The following COL5A1 variants were observed in gnomAD, a reference collection of about 807,000 sequenced individuals.
COL5A1 encodes collagen alpha-1(V) chain.
Under a neutral mutation model 263.7 loss-of-function variants are expected in COL5A1, and 16 were observed. The observed-to-expected ratio is 0.06, with a 90% CI of 0.04 to 0.09. The LOEUF is 0.09. Ranked by LOEUF, COL5A1 falls within the 10% of genes least tolerant of loss-of-function variation. COL5A1 has a pLI of 1.00. For synonymous variants in COL5A1, 1,012 were observed against 1,004.5 expected, an observed-to-expected ratio of 1.01 and a Z score of -0.14; for missense variants, 2,036 against 2,540.5, an observed-to-expected ratio of 0.80 and a Z score of 4.27.
intron 52 of COL5A1, 46 bp downstream of exon 52, chr9:134,816,034 AT>A: frequency 6.3e-7 from 1 of 1,591,770 alleles, no homozygotes; most frequent in Non-Finnish European, 8.6e-7. Context: ...GTGTCAGTGT[AT>A]TCTTGGGACC....
intron 5 of COL5A1, 141 bp downstream of exon 5, chr9:134,727,538 T>C (rs539336173): frequency 3.3e-6 from 3 of 900,478 alleles, no homozygotes; most frequent in African/African-American, 1.6e-5. Context: ...AGGTAAACAT[T>C]GGGATATCTG....
intron 6 of COL5A1, among the ~76,000 whole-genome samples, chr9:134,729,450 T>C (rs1834787952): frequency 6.6e-6 from 1 of 151,558 alleles, no homozygotes; most frequent in South Asian, 2.1e-4. Context: ...TGTGTGTGCA[T>C]GAACGAGTGT....
At chr9:134,775,615 G>A (rs1048524547) in intron 27 of COL5A1, among the ~76,000 whole-genome samples, 2 of 152,170 alleles carry the variant, frequency 1.3e-5, no homozygotes, top group Admixed American at 6.5e-5. Flanking sequence ...GACACGGCAC[G>A]TTCTGTGTAG....
rs999175178 is a variant in COL5A1 at position 134,716,529 on chromosome 9, A to T, written c.655-10737A>T. Reference sequence around the variant, plus strand: ...AAGTGCAGGCCTTTGTGAGGTCACCACCCTTTGGGTGGCGAGTCTTTGAGG... The same window carrying T: ...AAGTGCAGGCCTTTGTGAGGTCACCTCCCTTTGGGTGGCGAGTCTTTGAGG... On this transcript the variant is annotated intron_variant, in intron 4 of 65. Transcript: ENST00000371817. The surrounding 1 kb of genome is among the most constrained non-coding windows in gnomAD (Gnocchi z 4.5). 5.3e-5 allele frequency among the ~76,000 whole-genome samples: 8 copies of T among 152,118 alleles called. No homozygotes were observed. The highest frequency in any genetic ancestry group is 1.9e-4 in the African/African-American group (8 of 41,494).
intron 1 of COL5A1, chr9:134,649,444 G>A (rs1482502743): frequency 2.2e-6 from 1 of 463,940 alleles, no homozygotes; most frequent in Non-Finnish European, 4.4e-6. Context: ...CCTATTTGCC[G>A]AGATGTCTCT....
chr9:134,728,521 A>G, intron 5 of COL5A1, 149 bp from the exon 6 acceptor site: 3 of 1,045,510 alleles, frequency 2.9e-6, no homozygotes, highest in Non-Finnish European at 4.4e-6. Context: ...AGAGGGAGGA[A>G]CCCCATCCGG....
At position 134,677,273 on chromosome 9, in the gene COL5A1, T is replaced by C. The variant is rs1358737255; in HGVS notation, c.110-13639T>C. ...TTATCCAGATCTCAGCTACCAGTCATGGCTTCTCGGGGAAGGCAGGCCCTG... is the reference window on the plus strand; with the variant it reads ...TTATCCAGATCTCAGCTACCAGTCACGGCTTCTCGGGGAAGGCAGGCCCTG... On this transcript the variant is annotated intron_variant, in intron 1 of 65. Transcript: ENST00000371817. This position sits in a 1 kb window ranked among gnomAD's most constrained non-coding sequence, Gnocchi z 4.4. 1.3e-5 allele frequency among the ~76,000 whole-genome samples: 2 copies of C among 152,184 alleles called. No homozygotes were observed. The highest frequency in any genetic ancestry group is 1.9e-4 in the East Asian group (1 of 5,194).
intron 1 of COL5A1, among the ~76,000 whole-genome samples, chr9:134,644,650 T>C (rs1831418507): frequency 6.6e-6 from 1 of 152,166 alleles, no homozygotes; most frequent in Admixed American, 6.5e-5. Context: ...CCAGATGTTT[T>C]CTGAGGGTTT....
At position 134,681,052 on chromosome 9, in the gene COL5A1, T is replaced by C. The variant is rs536324054; in HGVS notation, c.110-9860T>C. On this transcript the variant is annotated intron_variant, in intron 1 of 65. Transcript: ENST00000371817. This position sits in a 1 kb window ranked among gnomAD's most constrained non-coding sequence, Gnocchi z 4.3. ...ATTTCCCACCCCCTGCCCCTTTGCT[T>C]TGCTCCCTGGTTTAGTCATTGAGGA... is the stretch of plus-strand genomic sequence containing the variant. 1.2e-4 allele frequency among the ~76,000 whole-genome samples: 19 copies of C among 152,260 alleles called. No individual in the cohort carries two copies. Among genetic ancestry groups the C allele is most frequent in the African/African-American group, 4.6e-4 (19 of 41,558 alleles).
chr9:134,779,730 G>T (rs951869866), intron 27 of COL5A1, among the ~76,000 whole-genome samples: 2 of 152,316 alleles, frequency 1.3e-5, no homozygotes, highest in African/African-American at 4.8e-5. Context: ...CTCACCTCCT[G>T]CTTCCTCCCC....
Position 134,647,305 on chromosome 9 carries a change from T to C in COL5A1, c.109+5009T>C, listed in dbSNP as rs191885699. ...TGTCCAGGCCGTGGGGTGTGATGCA[T>C]GTGAAAAGCTTTAGAAGCCAATTCC... On this transcript the variant is annotated intron_variant, in intron 1 of 65. Transcript: ENST00000371817. The surrounding 1 kb of genome is among the most constrained non-coding windows in gnomAD (Gnocchi z 5.0). 5.4e-3 allele frequency among the ~76,000 whole-genome samples: 817 copies of C among 152,218 alleles called. 32 individuals are homozygous for C. In the South Asian group the frequency reaches 0.096, roughly 18 times the overall value.
chr9:134,817,878 G>A (rs1838823888), intron 54 of COL5A1, 47 bp downstream of exon 54: 2 of 1,550,722 alleles, frequency 1.3e-6, no homozygotes, highest in East Asian at 2.4e-5. Flanking sequence ...CCTCCCCCAG[G>A]GGAGCCCAGA....
chr9:134,686,440 C>T lies in COL5A1; in HGVS notation c.110-4472C>T, dbSNP rs532626093. ...GCTAATTTTTGTATTTATGTAGAGA[C>T]GGGGTTTTACCATGTTGCCCAGGTT... On this transcript the variant is annotated intron_variant, in intron 1 of 65. Transcript: ENST00000371817. The surrounding 1 kb of genome is among the most constrained non-coding windows in gnomAD (Gnocchi z 4.6). Among the ~76,000 whole-genome samples the T allele has an allele frequency of 1.2e-3, 186 of 152,134 alleles. No homozygotes were observed. The highest frequency in any genetic ancestry group is 4.3e-3 in the African/African-American group (177 of 41,502).
At chr9:134,646,835 C>G (rs1272117166) in intron 1 of COL5A1, among the ~76,000 whole-genome samples, 1 of 152,122 alleles carries the variant, frequency 6.6e-6, no homozygotes, top group East Asian at 1.9e-4. Context: ...TCCAGGCCAG[C>G]AAGGTCGGTG....
intron 39 of COL5A1, 118 bp downstream of exon 39, chr9:134,803,113 A>AT: frequency 1.2e-6 from 1 of 854,572 alleles, no homozygotes; most frequent in Non-Finnish European, 1.9e-6. Context: ...GACGCTTCTC[A>AT]TGCCGGTTCA....
chr9:134,838,581 ACT>A (rs1564189900), intron 65 of COL5A1, among the ~76,000 whole-genome samples: 1 of 151,560 alleles, frequency 6.6e-6, no homozygotes, highest in African/African-American at 2.4e-5. Flanking sequence ...ACCCTGGCTC[ACT>A]CTCTCGCCCC....
At chr9:134,801,128 C>G (rs1037736872) in intron 37 of COL5A1, among the ~76,000 whole-genome samples, 1 of 152,282 alleles carries the variant, frequency 6.6e-6, no homozygotes, top group Non-Finnish European at 1.5e-5. Context: ...AAGCCAGGAT[C>G]GTTATCTACG....
chr9:134,702,120 G>A (rs1833695329), intron 4 of COL5A1, among the ~76,000 whole-genome samples: 1 of 152,218 alleles, frequency 6.6e-6, no homozygotes. Context: ...CCTGGACTCT[G>A]CCCTTCCCAA....
chr9:134,655,819 G>A (rs2132485884), intron 1 of COL5A1, among the ~76,000 whole-genome samples: 1 of 152,276 alleles, frequency 6.6e-6, no homozygotes, highest in South Asian at 2.1e-4. Flanking sequence ...GCTGTCCTAT[G>A]GCACGTGGGC....
Sources: allele counts gnomAD v4.1 joint callset (sites outside exome capture counted in the v4.1 genomes callset), GRCh38; gene constraint gnomAD v4.1.1; non-coding constraint Gnocchi (gnomAD v3.1); transcripts MANE v1.5; gene names NCBI Gene and HGNC (gene_info 2026-07-23, HGNC 2026-07-21).